PLCE1: variants seen among roughly 807,000 people sequenced by gnomAD.
The protein encoded by PLCE1 is phospholipase C epsilon 1.
PLCE1 carries 119 observed loss-of-function variants against 242.8 expected under a neutral mutation model. That is an observed-to-expected ratio of 0.49 (90% CI 0.42 to 0.57). PLCE1 has a LOEUF of 0.57. PLCE1 is among the 20% of genes least tolerant of loss of function. PLCE1 has a pLI of 0.00. For missense variants in PLCE1, 2,441 were observed against 2,788.8 expected (o/e 0.88, Z 2.81); for synonymous variants, 945 against 1,017.4 (o/e 0.93, Z 1.35).
Position 94,246,159 on chromosome 10 carries a change from C to G in PLCE1, c.2634C>G (p.Ala878=), listed in dbSNP as rs2050671947. The G allele has an allele frequency of 1.2e-6, 2 of 1,614,008 alleles. No individual in the cohort carries two copies. The highest frequency in any genetic ancestry group is 3.3e-5 in the Admixed American group (2 of 60,004). ...ACGACCAGGACACACACCTCTCTGCCCGCTGCTTCCTCCAGCTTCAGCCCG... is the reference window on the plus strand; with the variant it reads ...ACGACCAGGACACACACCTCTCTGCGCGCTGCTTCCTCCAGCTTCAGCCCG... ...IHYDQDTHLS[A]RCFLQLQPDN... Residue 878 remains alanine (A), a synonymous_variant, in exon 8 of 33, where the codon GCC becomes GCG. Coordinates refer to ENST00000371380, the MANE Select transcript of PLCE1 (RefSeq NM_016341.4).
rs2053953964 is a variant in PLCE1 at position 94,324,916 on chromosome 10, G to A, written c.6745G>A (p.Gly2249Ser). The part of the protein sequence containing the change: ...VQASREDKKK[G>S]ISFASELKKL... ...GGCATCTCGAGAAGATAAAAAGAAA[G>A]GCATTTCTTTCGCAAGTGAACTCAA... The change falls in exon 32 of 33, where the codon GGC (glycine) becomes AGC (serine). Residue 2249 changes from glycine (G) to serine (S), a missense_variant. By Grantham distance (56) the Gly-to-Ser change is moderately conservative. Around this residue, in one of 5 missense-constraint regions of PLCE1, gnomAD observed 310 missense variants for 317.2 expected, o/e 0.98. Coordinates refer to ENST00000371380, the MANE Select transcript of PLCE1 (RefSeq NM_016341.4). 5.0e-6 allele frequency: 8 copies of A among 1,614,124 alleles called. No individual in the cohort carries two copies. In the East Asian group the frequency reaches 1.8e-4, roughly 36 times the overall value.
intron 10 of PLCE1, 51 bp downstream of exon 10, chr10:94,254,358 A>G (rs750990028): frequency 6.9e-5 from 84 of 1,215,722 alleles, no homozygotes; most frequent in Admixed American, 2.0e-4. Flanking sequence ...TTTTTGTGGG[A>G]AAAAAAGTAT....
At chr10:94,216,804 G>A (rs779195385) in intron 4 of PLCE1, among the ~76,000 whole-genome samples, 1 of 151,960 alleles carries the variant, frequency 6.6e-6, no homozygotes. Flanking sequence ...CTAAAATTCT[G>A]TTTCTAAAGG....
intron 4 of PLCE1, among the ~76,000 whole-genome samples, chr10:94,194,941 G>A (rs1466737416): frequency 1.3e-5 from 2 of 152,058 alleles, no homozygotes; most frequent in African/African-American, 4.8e-5. Context: ...CAAGAAGTTT[G>A]GGGGAAACAG....
At chr10:94,199,115 A>G (rs1361218253) in intron 4 of PLCE1, among the ~76,000 whole-genome samples, 2 of 152,204 alleles carry the variant, frequency 1.3e-5, no homozygotes, top group Non-Finnish European at 2.9e-5. Flanking sequence ...TCTGAGTAGC[A>G]TGTCATTATA....
chr10:94,181,428 T>A (rs1433693060), intron 4 of PLCE1, among the ~76,000 whole-genome samples: 1 of 151,528 alleles, frequency 6.6e-6, no homozygotes, highest in Non-Finnish European at 1.5e-5. Context: ...AAAAAAAAAT[T>A]AGCCGGGCGT....
intron 19 of PLCE1, among the ~76,000 whole-genome samples, chr10:94,275,306 G>T (rs1335199048): frequency 6.6e-6 from 1 of 152,002 alleles, no homozygotes; most frequent in Non-Finnish European, 1.5e-5. Flanking sequence ...AAAAATTCTT[G>T]TTGTGCCAAC....
At chr10:94,061,052 A>G (rs560404248) in intron 2 of PLCE1, among the ~76,000 whole-genome samples, 2 of 152,250 alleles carry the variant, frequency 1.3e-5, no homozygotes, top group East Asian at 3.9e-4. Flanking sequence ...CCGTACTGAG[A>G]CTAAGCAGGT....
intron 29 of PLCE1, among the ~76,000 whole-genome samples, chr10:94,319,864 C>CCTTTTTTTTTTT (rs1215283955): frequency 1.1e-5 from 1 of 92,914 alleles, no homozygotes; most frequent in African/African-American, 3.7e-5. Context: ...CAAAGGTGCT[C>CCTTTTTTTTTTT]TTTTTTTTTT....
intron 28 of PLCE1, among the ~76,000 whole-genome samples, chr10:94,315,824 C>CT (rs2053552956): frequency 6.6e-6 from 1 of 151,316 alleles, no homozygotes; most frequent in African/African-American, 2.4e-5. Flanking sequence ...TTGAGTTCAC[C>CT]TAATGTACCC....
chr10:94,241,014 T>C (rs1404009347), intron 7 of PLCE1, among the ~76,000 whole-genome samples: 1 of 152,216 alleles, frequency 6.6e-6, no homozygotes, highest in African/African-American at 2.4e-5. Context: ...CACTATATCA[T>C]GTAAGAGACA....
chr10:94,083,985 G>GTAT (rs972156938), intron 2 of PLCE1, among the ~76,000 whole-genome samples: 1 of 152,186 alleles, frequency 6.6e-6, no homozygotes. Flanking sequence ...CTTCCACATA[G>GTAT]TATTATTGGG....
chr10:94,207,635 C>T (rs1174782970), intron 4 of PLCE1, among the ~76,000 whole-genome samples: 1 of 151,558 alleles, frequency 6.6e-6, no homozygotes, highest in African/African-American at 2.4e-5. Context: ...ACATGAAGCA[C>T]ACAGATATTG....
At chr10:94,111,721 A>T (rs1007853388) in intron 2 of PLCE1, among the ~76,000 whole-genome samples, 4 of 152,246 alleles carry the variant, frequency 2.6e-5, no homozygotes, top group Non-Finnish European at 1.5e-5. Context: ...CTAGAAGTGG[A>T]TCAAAGAATG....
chr10:94,055,587 G>T (rs890739893), intron 2 of PLCE1, among the ~76,000 whole-genome samples: 2 of 152,040 alleles, frequency 1.3e-5, no homozygotes, highest in Admixed American at 6.6e-5. Flanking sequence ...CAAAGTACTG[G>T]GATTACAGGA....
chr10:94,105,720 A>G (rs942175430), intron 2 of PLCE1: 1 of 152,222 alleles, frequency 6.6e-6, no homozygotes, highest in African/African-American at 2.4e-5. Context: ...CCTACTAAAG[A>G]AATTAATCTC....
intron 22 of PLCE1, among the ~76,000 whole-genome samples, chr10:94,292,740 CT>C (rs1435740924): frequency 6.6e-6 from 1 of 152,206 alleles, no homozygotes; most frequent in East Asian, 1.9e-4. Flanking sequence ...GCTGCTTCAG[CT>C]TAGGGAATTA....
chr10:94,050,404 C>T (rs1475365299), intron 2 of PLCE1, among the ~76,000 whole-genome samples: 1 of 152,034 alleles, frequency 6.6e-6, no homozygotes, highest in Admixed American at 6.6e-5. Context: ...GGGAAACTTC[C>T]CCCATGATGC....
At chr10:94,149,901 A>G (rs2047221702) in intron 3 of PLCE1, among the ~76,000 whole-genome samples, 1 of 152,144 alleles carries the variant, frequency 6.6e-6, no homozygotes, top group African/African-American at 2.4e-5. Context: ...GATATGATTC[A>G]CCATCTGTCT....
Sources: allele counts gnomAD v4.1 joint callset (sites outside exome capture counted in the v4.1 genomes callset), GRCh38; gene constraint gnomAD v4.1.1; regional missense constraint gnomAD v4.1.1; transcripts MANE v1.5; gene names NCBI Gene and HGNC (gene_info 2026-07-23, HGNC 2026-07-21).